CIB4: variants seen among roughly 807,000 people sequenced by gnomAD.
CIB4 encodes the protein calcium and integrin-binding family member 4.
Under a neutral mutation model 25.8 loss-of-function variants are expected in CIB4, and 25 were observed. The observed-to-expected ratio is 0.97, with a 90% CI of 0.71 to 1.35. The LOEUF (loss-of-function observed/expected upper bound fraction) is 1.35, where lower values mean the gene tolerates loss of function less well. Ranked by LOEUF, CIB4 falls within the 40% of genes most tolerant of loss-of-function variation. The pLI, the probability that CIB4 is intolerant of heterozygous loss-of-function variation, is 0.00. For missense variants in CIB4, 235 were observed against 228.2 expected (o/e 1.03, Z -0.19); for synonymous variants, 75 against 81.4 (o/e 0.92, Z 0.42).
chr2:26,581,289 T>C lies in CIB4; in HGVS notation c.*74A>G. On this transcript the variant is annotated 3_prime_UTR_variant, in exon 7 of 7. Coordinates refer to ENST00000288861, the MANE Select transcript of CIB4 (RefSeq NM_001029881.3). Reference sequence around the variant, plus strand: ...GTACAAAGTCATACTTCAAACCAGCTCCCTCCAGTGCTGGAGGGGGTTCGA... The same window carrying C: ...GTACAAAGTCATACTTCAAACCAGCCCCCTCCAGTGCTGGAGGGGGTTCGA... 1 of 1,249,054 alleles carries C rather than the reference T, an allele frequency of 8.0e-7. No individual in the cohort carries two copies. The highest frequency in any genetic ancestry group is 1.2e-6 in the Non-Finnish European group (1 of 847,938). The allele number at this position is 1,249,054 out of a possible 1,614,324, so 77.4% of individuals were successfully genotyped here.
At chr2:26,601,727 C>G (rs1032516017) in intron 3 of CIB4, among the ~76,000 whole-genome samples, 2 of 151,418 alleles carry the variant, frequency 1.3e-5, no homozygotes, top group Non-Finnish European at 3.0e-5. Context: ...AATGAAAAGG[C>G]AAGCCATAAT....
chr2:26,638,960 C>A (rs1283818648), intron 2 of CIB4, among the ~76,000 whole-genome samples: 7 of 150,492 alleles, frequency 4.7e-5, no homozygotes, highest in African/African-American at 7.3e-5. Flanking sequence ...TCAAAAAAAA[C>A]CCCAAAAGCT....
In CIB4 at chr2:26,629,426, G is replaced by T; in HGVS notation, c.170C>A (p.Ser57Tyr). The T allele has an allele frequency of 6.3e-7, 1 of 1,578,790 alleles. No individual in the cohort carries two copies. The highest frequency in any genetic ancestry group is 2.3e-5 in the East Asian group (1 of 43,640). ...TGGACTCACCCGCAGAGCTGGCAGGGAGCTGACCTGGTCCATGGTGAGCGT... is the reference window on the plus strand; with the variant it reads ...TGGACTCACCCGCAGAGCTGGCAGGTAGCTGACCTGGTCCATGGTGAGCGT... ...EATLTMDQVS[S>Y]LPALRVNPFR... is the part of the protein sequence containing the mutation. The change falls in exon 3 of 7, where the codon TCC (serine) becomes TAC (tyrosine). Residue 57 changes from serine to tyrosine, a missense_variant. Coordinates refer to ENST00000288861, the MANE Select transcript of CIB4 (RefSeq NM_001029881.3).
intron 3 of CIB4, among the ~76,000 whole-genome samples, chr2:26,619,330 C>G (rs1382021339): frequency 6.6e-6 from 1 of 152,170 alleles, no homozygotes; most frequent in Non-Finnish European, 1.5e-5. Context: ...AGTACAGGAC[C>G]AGGCTCTCAG....
At chr2:26,595,462 C>T (rs1161730336) in intron 3 of CIB4, 145 bp from the exon 4 acceptor site, 4 of 911,436 alleles carry the variant, frequency 4.4e-6, no homozygotes, top group Non-Finnish European at 6.5e-6. Context: ...TAGATGGTGG[C>T]TCACTGAGCC....
intron 3 of CIB4, among the ~76,000 whole-genome samples, chr2:26,619,524 A>G (rs1669161620): frequency 6.6e-6 from 1 of 152,156 alleles, no homozygotes; most frequent in African/African-American, 2.4e-5. Flanking sequence ...AGGGTGAAAG[A>G]TCCCTTGCAT....
intron 3 of CIB4, among the ~76,000 whole-genome samples, chr2:26,603,237 A>G (rs951909505): frequency 1.5e-4 from 23 of 152,226 alleles, no homozygotes; most frequent in African/African-American, 5.5e-4. Context: ...CAGAGGAACG[A>G]AAAACACGCA....
chr2:26,604,112 G>T (rs1458044719), intron 3 of CIB4, among the ~76,000 whole-genome samples: 1 of 151,942 alleles, frequency 6.6e-6, no homozygotes, highest in Non-Finnish European at 1.5e-5. Flanking sequence ...GGACATGGTG[G>T]TTCATGCCTG....
intron 6 of CIB4, 67 bp downstream of exon 6, chr2:26,582,758 G>A (rs780668047): frequency 8.6e-6 from 8 of 934,104 alleles, no homozygotes; most frequent in Admixed American, 3.6e-5. Context: ...GGAGTGAGGA[G>A]AGACTGGGGG....
intron 3 of CIB4, among the ~76,000 whole-genome samples, chr2:26,602,139 G>A (rs533373693): frequency 1.8e-4 from 27 of 152,266 alleles, no homozygotes; most frequent in Middle Eastern, 6.8e-3. Flanking sequence ...AAGACAATAT[G>A]GGATGATAGA....
At chr2:26,611,519 G>A (rs1000835) in intron 3 of CIB4, among the ~76,000 whole-genome samples, 103,319 of 152,062 alleles carry the variant, frequency 0.68, 35,356 homozygotes, top group African/African-American at 0.75. Flanking sequence ...AGGCATAAAG[G>A]TTTTTCCATG....
At chr2:26,581,810 G>A (rs1668350764) in intron 6 of CIB4, among the ~76,000 whole-genome samples, 1 of 152,196 alleles carries the variant, frequency 6.6e-6, no homozygotes, top group Non-Finnish European at 1.5e-5. Context: ...GGAATGAGGA[G>A]CCCCCTCCTC....
chr2:26,591,846 C>T (rs903199915), intron 4 of CIB4, among the ~76,000 whole-genome samples: 5 of 152,214 alleles, frequency 3.3e-5, no homozygotes, highest in East Asian at 3.8e-4. Context: ...GGCTGAGAGC[C>T]GGCAAGAAGT....
intron 3 of CIB4, among the ~76,000 whole-genome samples, chr2:26,603,075 T>A (rs1668823341): frequency 7.9e-6 from 1 of 126,732 alleles, no homozygotes; most frequent in African/African-American, 2.9e-5. Flanking sequence ...GGTGGGGGGG[T>A]TCACTTCTGT....
At position 26,627,008 on chromosome 2, in the gene CIB4, C is replaced by T. The variant is rs961920303; in HGVS notation, c.186+2402G>A. 6.6e-6 allele frequency among the ~76,000 whole-genome samples: 1 copy of T among 152,182 alleles called. No homozygotes were observed. Among genetic ancestry groups the T allele is most frequent in the Non-Finnish European group, 1.5e-5 (1 of 68,038 alleles). On this transcript the variant is annotated intron_variant, in intron 3 of 6. Transcript: ENST00000288861. This position sits in a 1 kb window ranked among gnomAD's most constrained non-coding sequence, Gnocchi z 4.0. Reference sequence around the variant, plus strand: ...ATGCAAGGAGTGTGATAGCTCCAGGCCCAGACTCAGCCCTCCTGATCTTAG... The same window carrying T: ...ATGCAAGGAGTGTGATAGCTCCAGGTCCAGACTCAGCCCTCCTGATCTTAG...
chr2:26,605,398 G>A (rs1668869544), intron 3 of CIB4: 3 of 432,460 alleles, frequency 6.9e-6, no homozygotes, highest in South Asian at 5.1e-5. Flanking sequence ...ATTCCACCCT[G>A]TGCTCCTGGG....
chr2:26,640,367 C>T (rs116596741), intron 2 of CIB4, among the ~76,000 whole-genome samples, 166 bp downstream of exon 2: 2,185 of 152,320 alleles, frequency 0.014, 64 homozygotes, highest in African/African-American at 0.05. Flanking sequence ...GATCGTGGCC[C>T]CTGGGCCCTC....
chr2:26,621,568 A>C (rs1406341077), intron 3 of CIB4, among the ~76,000 whole-genome samples: 1 of 152,190 alleles, frequency 6.6e-6, no homozygotes, highest in Admixed American at 6.5e-5. Flanking sequence ...ATTATCAGTC[A>C]AGTATGAGAG....
intron 4 of CIB4, among the ~76,000 whole-genome samples, chr2:26,590,461 C>T (rs1362990177): frequency 2.6e-5 from 4 of 152,104 alleles, no homozygotes; most frequent in Non-Finnish European, 5.9e-5. Context: ...TACTGCTGCT[C>T]TGTGGGCCAC....
Sources: allele counts gnomAD v4.1 joint callset (sites outside exome capture counted in the v4.1 genomes callset), GRCh38; gene constraint gnomAD v4.1.1; non-coding constraint Gnocchi (gnomAD v3.1); transcripts MANE v1.5; gene names NCBI Gene and HGNC (gene_info 2026-07-23, HGNC 2026-07-21).